The following LRRC37A2 variants were observed in gnomAD, a reference collection of about 807,000 sequenced individuals.
LRRC37A2 encodes leucine rich repeat containing 37 member A2.
Under a neutral mutation model 68.8 loss-of-function variants are expected in LRRC37A2, and 9 were observed. The observed-to-expected ratio is 0.13, with a 90% confidence interval of 0.08 to 0.23. LRRC37A2 has a LOEUF of 0.23. LRRC37A2 is among the 10% of genes least tolerant of loss of function. LRRC37A2 has a pLI of 1.00. For synonymous variants in LRRC37A2, 63 were observed against 367.6 expected (o/e 0.17, Z 9.48); for missense variants, 168 against 950.4 (o/e 0.18, Z 10.82).
At chr17:47,009,440 T>C in the LRRC37A2 span, among the ~76,000 whole-genome samples, 4 of 152,194 alleles carry the variant, frequency 2.6e-5, no homozygotes, top group Non-Finnish European at 2.9e-5. Context: ...CCAGAGCTCA[T>C]GTTTGTCATA....
chr17:46,777,087 G>A, the LRRC37A2 span, among the ~76,000 whole-genome samples: 7 of 152,212 alleles, frequency 4.6e-5, no homozygotes, highest in African/African-American at 1.7e-4. Flanking sequence ...GCTCACGCCT[G>A]TAATCCCAGC....
chr17:47,000,808 C>A, the LRRC37A2 span, among the ~76,000 whole-genome samples: 1 of 152,162 alleles, frequency 6.6e-6, no homozygotes, highest in South Asian at 2.1e-4. Flanking sequence ...ATCTGCAATC[C>A]TCCATATCAG....
the LRRC37A2 span, chr17:46,876,631 C>T: frequency 6.2e-7 from 1 of 1,610,394 alleles, no homozygotes; most frequent in Non-Finnish European, 8.5e-7. Context: ...TGGTGGCCTT[C>T]TCCTGCCACT....
At chr17:46,785,791 G>A in the LRRC37A2 span, among the ~76,000 whole-genome samples, 1 of 152,136 alleles carries the variant, frequency 6.6e-6, no homozygotes, top group African/African-American at 2.4e-5. Context: ...GAGGCTGCGG[G>A]CCCTGTGCTC....
chr17:46,943,793 A>G, the LRRC37A2 span, among the ~76,000 whole-genome samples: 9 of 152,370 alleles, frequency 5.9e-5, no homozygotes, highest in South Asian at 1.4e-3. Flanking sequence ...GTAAAAGAGG[A>G]GAGGCATGGG....
chr17:46,825,375 G>A, the LRRC37A2 span, among the ~76,000 whole-genome samples: 2 of 152,232 alleles, frequency 1.3e-5, no homozygotes, highest in African/African-American at 4.8e-5. Flanking sequence ...CCTTAGTCAC[G>A]ATGGGCCCCC....
At position 46,525,614 on chromosome 17, in the gene LRRC37A2, A is replaced by AATC. The variant is rs745821194; in HGVS notation, c.2906+1761_2906+1763dup. 4.2e-3 allele frequency among the ~76,000 whole-genome samples: 482 copies of AATC among 114,316 alleles called. 31 individuals are homozygous for AATC. Among genetic ancestry groups the AATC allele is most frequent in the African/African-American group, 0.011 (370 of 32,772 alleles). 75.0% of individuals were successfully genotyped at this position (114,316 alleles called of 152,430 possible). A position where few individuals can be genotyped will look rare whatever the true frequency, so the allele number is the denominator to read the frequency against. ...ATAATAATAATAATATAATAATAAT[A>AATC]ATCATCATCATCATCATCATCATCA... On this transcript the variant is annotated intron_variant, in intron 6 of 14. Transcript: ENST00000576629.
the LRRC37A2 span, among the ~76,000 whole-genome samples, chr17:46,970,422 T>C: frequency 6.7e-6 from 1 of 149,074 alleles, no homozygotes; most frequent in African/African-American, 2.5e-5. Flanking sequence ...ACACCTGTTA[T>C]CCCAGCTACT....
At chr17:46,883,574 T>C in the LRRC37A2 span, among the ~76,000 whole-genome samples, 2 of 152,208 alleles carry the variant, frequency 1.3e-5, no homozygotes, top group Admixed American at 6.5e-5. Context: ...CGTGAGCCAC[T>C]GTGCCTGGCC....
At chr17:46,872,571 C>T in the LRRC37A2 span, 1 of 1,599,020 alleles carries the variant, frequency 6.3e-7, no homozygotes. Flanking sequence ...CTGCGGCAGC[C>T]CCGGCACAGG....
chr17:46,769,327 A>G, the LRRC37A2 span, among the ~76,000 whole-genome samples: 1 of 152,034 alleles, frequency 6.6e-6, no homozygotes, highest in Non-Finnish European at 1.5e-5. Context: ...AAAAAAAAAA[A>G]AAAAAGAAAA....
the LRRC37A2 span, among the ~76,000 whole-genome samples, chr17:46,771,861 G>A: frequency 6.9e-6 from 1 of 144,386 alleles, no homozygotes; most frequent in African/African-American, 2.5e-5. Context: ...TTTTCAGGCC[G>A]CCCAGGCCCC....
chr17:46,763,547 G>C, the LRRC37A2 span: 2 of 152,282 alleles, frequency 1.3e-5, no homozygotes, highest in Non-Finnish European at 2.9e-5. Flanking sequence ...GTATTGGAGA[G>C]GAAGCAAAGG....
At chr17:46,723,001 T>C in the LRRC37A2 span, among the ~76,000 whole-genome samples, 1 of 152,322 alleles carries the variant, frequency 6.6e-6, no homozygotes, top group Non-Finnish European at 1.5e-5. Flanking sequence ...CAGGTATTTT[T>C]CCTCTCAAAT....
chr17:46,941,623 G>A, the LRRC37A2 span: 3 of 182,864 alleles, frequency 1.6e-5, no homozygotes, highest in Non-Finnish European at 3.1e-5. Context: ...ACCCAGGCTG[G>A]AGTGCAGTGG....
chr17:46,891,809 T>C, the LRRC37A2 span, among the ~76,000 whole-genome samples: 1 of 152,198 alleles, frequency 6.6e-6, no homozygotes, highest in South Asian at 2.1e-4. Context: ...CCCAGAGCTT[T>C]CTTGGCTCCA....
At chr17:46,844,386 T>A in the LRRC37A2 span, among the ~76,000 whole-genome samples, 28 of 151,752 alleles carry the variant, frequency 1.8e-4, no homozygotes, top group Non-Finnish European at 3.4e-4. Context: ...GTCTCTCCTT[T>A]GTTTAAAGAA....
chr17:47,009,542 T>G, the LRRC37A2 span, among the ~76,000 whole-genome samples: 1 of 152,184 alleles, frequency 6.6e-6, no homozygotes, highest in Non-Finnish European at 1.5e-5. Context: ...AGAGACCAAA[T>G]TTCCAGCATG....
chr17:46,928,114 T>C, the LRRC37A2 span, among the ~76,000 whole-genome samples: 1 of 152,030 alleles, frequency 6.6e-6, no homozygotes, highest in Non-Finnish European at 1.5e-5. Context: ...CAGACTTACT[T>C]TCCGGAAGCA....
Sources: allele counts gnomAD v4.1 joint callset (sites outside exome capture counted in the v4.1 genomes callset), GRCh38; gene constraint gnomAD v4.1.1; transcripts MANE v1.5; gene names NCBI Gene and HGNC (gene_info 2026-07-23, HGNC 2026-07-21).